The following NFATC1 variants were observed in gnomAD, a reference collection of about 807,000 sequenced individuals.
The protein encoded by NFATC1 is nuclear factor of activated T-cells, cytoplasmic 1.
NFATC1 carries 22 observed loss-of-function variants against 76.0 expected under a neutral mutation model. The ratio of observed to expected loss-of-function variants is 0.29; its 90% CI spans 0.21 to 0.41. NFATC1 has a LOEUF of 0.41. Among genes scored for constraint, NFATC1 ranks in the 10% least tolerant of loss-of-function variants. The pLI is 1.00. For synonymous variants in NFATC1, 704 were observed against 613.1 expected, an observed-to-expected ratio of 1.15 and a Z score of -2.19; for missense variants, 1,357 against 1,337.7, an observed-to-expected ratio of 1.01 and a Z score of -0.23.
chr18:79,428,403 G>A (rs1375764929), intron 2 of NFATC1, among the ~76,000 whole-genome samples: 4 of 152,182 alleles, frequency 2.6e-5, no homozygotes, highest in Non-Finnish European at 4.4e-5. Context: ...AGCGCACCCC[G>A]GACCCTAGTG....
intron 9 of NFATC1, among the ~76,000 whole-genome samples, chr18:79,513,398 A>G (rs1600974692): frequency 6.6e-6 from 1 of 151,320 alleles, no homozygotes; most frequent in South Asian, 2.1e-4. Flanking sequence ...CTGCTCTTCC[A>G]CCCGCCTCCC....
intron 9 of NFATC1, among the ~76,000 whole-genome samples, chr18:79,521,395 GTGTC>G (rs1239453987): frequency 2.6e-5 from 3 of 115,882 alleles, no homozygotes; most frequent in Non-Finnish European, 3.6e-5. Context: ...ACTGATGTGT[GTGTC>G]TGTGTGTGTG....
At chr18:79,526,668 A>G (rs1313517335) in intron 9 of NFATC1, among the ~76,000 whole-genome samples, 1 of 152,170 alleles carries the variant, frequency 6.6e-6, no homozygotes, top group Non-Finnish European at 1.5e-5. Flanking sequence ...CTGGTTCTCC[A>G]TCTGTGTTTT....
intron 4 of NFATC1, 31 bp from the exon 5 acceptor site, chr18:79,450,923 A>G (rs1168496854): frequency 2.5e-6 from 4 of 1,599,972 alleles, no homozygotes; most frequent in South Asian, 1.1e-5. Context: ...CAGCCATTGA[A>G]AGAAAAGCTG....
chr18:79,403,460 C>T (rs1480268205), intron 1 of NFATC1, among the ~76,000 whole-genome samples: 1 of 152,212 alleles, frequency 6.6e-6, no homozygotes, highest in African/African-American at 2.4e-5. Context: ...AGGTCCCGCT[C>T]CCTTCTGGGG....
intron 2 of NFATC1, among the ~76,000 whole-genome samples, chr18:79,427,435 G>A (rs1183958318): frequency 9.2e-5 from 10 of 109,172 alleles, no homozygotes; most frequent in South Asian, 3.1e-4. Context: ...TGGGTGGGGG[G>A]GAGCTGGACG....
rs189669893 is a variant in NFATC1 at position 79,415,528 on chromosome 18, C to T, written c.1226+4027C>T. ...CGATCTCCTGACCTCGTGATCCACC[C>T]GCCTCGGCCTCCCAAAGTGCTGGGA... On this transcript the variant is annotated intron_variant, in intron 2 of 9. Coordinates refer to ENST00000427363, the MANE Select transcript of NFATC1 (RefSeq NM_001278669.2). Among the ~76,000 whole-genome samples the T allele has an allele frequency of 2.4e-3, 367 of 151,614 alleles. 2 individuals are homozygous for T. The highest frequency in any genetic ancestry group is 3.5e-3 in the African/African-American group (144 of 41,412).
intron 1 of NFATC1, among the ~76,000 whole-genome samples, chr18:79,397,450 C>T (rs1465731120): frequency 6.6e-6 from 1 of 152,168 alleles, no homozygotes; most frequent in Non-Finnish European, 1.5e-5. Flanking sequence ...GGAAAACTCG[C>T]TGGTCTTAGC....
At chr18:79,412,639 G>A (rs2085736577) in intron 2 of NFATC1, among the ~76,000 whole-genome samples, 2 of 152,150 alleles carry the variant, frequency 1.3e-5, no homozygotes, top group Admixed American at 6.5e-5. Context: ...AGCACGCATG[G>A]ACAGAATTAG....
intron 4 of NFATC1, 120 bp downstream of exon 4, chr18:79,449,104 T>A: frequency 1.0e-6 from 1 of 969,260 alleles, no homozygotes; most frequent in Non-Finnish European, 1.5e-6. Context: ...CCAGGACACT[T>A]TTGGTTTAAC....
At chr18:79,489,317 C>T (rs1407315002) in intron 9 of NFATC1, among the ~76,000 whole-genome samples, 1 of 152,172 alleles carries the variant, frequency 6.6e-6, no homozygotes, top group Non-Finnish European at 1.5e-5. Flanking sequence ...GCACAGACGA[C>T]TCCCTGACAC....
At chr18:79,435,862 C>T (rs932040364) in intron 3 of NFATC1, among the ~76,000 whole-genome samples, 4 of 152,188 alleles carry the variant, frequency 2.6e-5, no homozygotes, top group Admixed American at 1.3e-4. Context: ...TCCATTGAAA[C>T]GCGGGAGAAA....
At chr18:79,516,668 G>A (rs182483024) in intron 9 of NFATC1, among the ~76,000 whole-genome samples, 99 of 152,270 alleles carry the variant, frequency 6.5e-4, no homozygotes, top group African/African-American at 2.2e-3. Context: ...AACATTTATG[G>A]TAGACTTTCT....
chr18:79,460,607 A>G (rs915124598), intron 6 of NFATC1, among the ~76,000 whole-genome samples: 2 of 152,234 alleles, frequency 1.3e-5, no homozygotes, highest in African/African-American at 4.8e-5. Flanking sequence ...GGAAATGCCA[A>G]AAATACCTCG....
In NFATC1 at chr18:79,486,422, C is replaced by G. The variant is rs1331664731; in HGVS notation, c.2267C>G (p.Thr756Ser). 1 of 1,612,594 alleles carries G rather than the reference C, an allele frequency of 6.2e-7. No homozygotes were observed. Among genetic ancestry groups the G allele is most frequent in the Non-Finnish European group, 8.5e-7 (1 of 1,179,920 alleles). ...AGFPPCPQRSTLMPAAPGVSP... is the reference protein window; with the variant it reads ...AGFPPCPQRSSLMPAAPGVSP... ...TTCCCGCCCTGTCCGCAGAGAAGCA[C>G]CCTGATGCCAGCGGCCCCTGGCGTG... Residue 756 changes from threonine (T) to serine (S), a missense_variant, in exon 9 of 10, where the codon ACC becomes AGC. Thr to Ser is a moderately conservative substitution (Grantham distance 58). Coordinates refer to ENST00000427363, the MANE Select transcript of NFATC1 (RefSeq NM_001278669.2).
chr18:79,410,617 C>A lies in NFATC1; in HGVS notation c.342C>A (p.Ala114=). 2 of 1,613,064 alleles carry A rather than the reference C, an allele frequency of 1.2e-6. No homozygotes were observed. Among genetic ancestry groups the A allele is most frequent in the Non-Finnish European group, 1.7e-6 (2 of 1,180,008 alleles). The change falls in exon 2 of 10, where the codon GCC becomes GCA. Residue 114 remains alanine (A), a synonymous_variant. Coordinates refer to ENST00000427363, the MANE Select transcript of NFATC1 (RefSeq NM_001278669.2). The surrounding 1 kb of genome is among the most constrained non-coding windows in gnomAD (Gnocchi z 6.7). ...ACACCAGGCCTGATGGGGCCCCTGC[C>A]CTGGAGAGTCCTCGCATCGAGATAA... ...SGHTRPDGAP[A]LESPRIEITS...
intron 3 of NFATC1, among the ~76,000 whole-genome samples, chr18:79,440,799 T>C (rs2144712993): frequency 6.6e-6 from 1 of 152,306 alleles, no homozygotes; most frequent in African/African-American, 2.4e-5. Flanking sequence ...AGGAACGAGA[T>C]GTGGTTTCAG....
intron 1 of NFATC1, among the ~76,000 whole-genome samples, chr18:79,399,202 A>T (rs2085100483): frequency 6.6e-6 from 1 of 152,266 alleles, no homozygotes. Flanking sequence ...TCCATCCCAA[A>T]GTCAGAAGTA....
At chr18:79,402,153 G>A (rs1299594043) in intron 1 of NFATC1, among the ~76,000 whole-genome samples, 1 of 152,376 alleles carries the variant, frequency 6.6e-6, no homozygotes, top group African/African-American at 2.4e-5. Context: ...GCCTCGGGAA[G>A]GACACCGCCG....
Sources: allele counts gnomAD v4.1 joint callset (sites outside exome capture counted in the v4.1 genomes callset), GRCh38; gene constraint gnomAD v4.1.1; non-coding constraint Gnocchi (gnomAD v3.1); transcripts MANE v1.5; gene names NCBI Gene and HGNC (gene_info 2026-07-23, HGNC 2026-07-21).